CERT1: variants seen among roughly 807,000 people sequenced by gnomAD.
The protein encoded by CERT1 is ceramide transfer protein.
Under a neutral mutation model 87.9 loss-of-function variants are expected in CERT1, and 31 were observed. The ratio of observed to expected loss-of-function variants is 0.35; its 90% CI spans 0.27 to 0.48. CERT1 has a LOEUF of 0.48. Ranked by LOEUF, CERT1 falls within the 20% of genes least tolerant of loss-of-function variation. The pLI, the probability that CERT1 is intolerant of heterozygous loss-of-function variation, is 0.99. For synonymous variants in CERT1, 289 were observed against 250.9 expected, an observed-to-expected ratio of 1.15 and a Z score of -1.44; for missense variants, 487 against 758.0, an observed-to-expected ratio of 0.64 and a Z score of 4.20.
At chr5:75,408,627 G>A (rs1160764483) in intron 8 of CERT1, among the ~76,000 whole-genome samples, 1 of 152,050 alleles carries the variant, frequency 6.6e-6, no homozygotes, top group Non-Finnish European at 1.5e-5. Flanking sequence ...TCTAAAAGGA[G>A]GAAGGTTGGG....
In CERT1 at chr5:75,398,662, A is replaced by G. The variant is rs527351348; in HGVS notation, c.1188+648T>C. ...AAAAACTTCTTCCAATGGTAATCTG[A>G]TTTTATTTTGAGGGTACAGACTTTA... On this transcript the variant is annotated intron_variant, in intron 11 of 16. Transcript: ENST00000643780. Among the ~76,000 whole-genome samples the G allele has an allele frequency of 4.6e-5, 7 of 152,322 alleles. No individual in the cohort carries two copies. The East Asian group carries it at 1.3e-3, about 29-fold the overall frequency.
intron 5 of CERT1, among the ~76,000 whole-genome samples, chr5:75,422,609 C>G (rs1268055034): frequency 6.6e-6 from 1 of 151,900 alleles, no homozygotes; most frequent in Non-Finnish European, 1.5e-5. Flanking sequence ...AGAGGGAGAC[C>G]CAGTATCAAA....
chr5:75,457,145 A>G (rs1189005694), intron 3 of CERT1, among the ~76,000 whole-genome samples: 3 of 152,218 alleles, frequency 2.0e-5, no homozygotes, highest in Non-Finnish European at 2.9e-5. Context: ...TTATATGCAC[A>G]TTTAGCTTCT....
chr5:75,402,686 G>T, intron 9 of CERT1: 1 of 210,666 alleles, frequency 4.7e-6, no homozygotes, highest in Non-Finnish European at 9.6e-6. Context: ...TGTAGTCCCA[G>T]CTACTCGGGA....
chr5:75,375,894 T>C (rs1761285466), downstream of CERT1: 1 of 150,950 alleles, frequency 6.6e-6, no homozygotes, highest in Admixed American at 6.6e-5. Context: ...GATTTTACCA[T>C]GTTAAGGTTT....
intron 2 of CERT1, among the ~76,000 whole-genome samples, chr5:75,468,907 GAAC>G (rs1765581607): frequency 6.6e-6 from 1 of 152,120 alleles, no homozygotes; most frequent in Non-Finnish European, 1.5e-5. Flanking sequence ...GAAGGATCCA[GAAC>G]AACCAGGGAA....
intron 3 of CERT1, among the ~76,000 whole-genome samples, chr5:75,454,388 G>GT (rs752918445): frequency 1.9e-4 from 29 of 152,064 alleles, no homozygotes; most frequent in Non-Finnish European, 3.1e-4. Flanking sequence ...TTCTTGCTTT[G>GT]TTTTTTGCTA....
chr5:75,394,028 A>G (rs1762145645), intron 11 of CERT1, among the ~76,000 whole-genome samples: 2 of 152,182 alleles, frequency 1.3e-5, no homozygotes, highest in Admixed American at 1.3e-4. Flanking sequence ...CTTGTTAGAT[A>G]GAATAATTAT....
chr5:75,469,059 T>C (rs969868642), intron 2 of CERT1, among the ~76,000 whole-genome samples: 12 of 151,762 alleles, frequency 7.9e-5, no homozygotes, highest in South Asian at 2.1e-4. Context: ...CACAGAAACA[T>C]TGAACAAAAT....
chr5:75,510,985 C>A, intron 1 of CERT1, 127 bp downstream of exon 1: 2 of 1,282,606 alleles, frequency 1.6e-6, no homozygotes, highest in South Asian at 1.6e-5. Flanking sequence ...CTAGTCGCTG[C>A]AGCAACACTC....
intron 3 of CERT1, among the ~76,000 whole-genome samples, chr5:75,441,780 AT>A (rs1764334502): frequency 6.6e-6 from 1 of 152,198 alleles, no homozygotes; most frequent in African/African-American, 2.4e-5. Context: ...CATTGAATGG[AT>A]ATACCACATT....
intron 3 of CERT1, among the ~76,000 whole-genome samples, chr5:75,426,860 G>A (rs1763639283): frequency 6.6e-6 from 1 of 152,210 alleles, no homozygotes; most frequent in Non-Finnish European, 1.5e-5. Context: ...ATGGATGATG[G>A]TGACGGTTGA....
intron 5 of CERT1, among the ~76,000 whole-genome samples, chr5:75,420,633 T>C (rs1408368574): frequency 6.6e-6 from 1 of 152,142 alleles, no homozygotes; most frequent in African/African-American, 2.4e-5. Flanking sequence ...GCATCCCTTT[T>C]CTCTAATTCC....
intron 2 of CERT1, among the ~76,000 whole-genome samples, chr5:75,479,099 G>A (rs185726925): frequency 6.7e-6 from 1 of 149,434 alleles, no homozygotes; most frequent in Admixed American, 6.7e-5. Flanking sequence ...GATATTAAAT[G>A]GGACAAAAAA....
chr5:75,371,815 G>T (rs757075439), intron 17 of CERT1: 1 of 152,194 alleles, frequency 6.6e-6, no homozygotes, highest in Non-Finnish European at 1.5e-5. Flanking sequence ...ATCTGTAGAT[G>T]AGAAAACATG....
intron 2 of CERT1, among the ~76,000 whole-genome samples, chr5:75,484,031 G>A (rs1766384654): frequency 6.6e-6 from 1 of 152,028 alleles, no homozygotes; most frequent in Admixed American, 6.6e-5. Flanking sequence ...AACTTTTGAA[G>A]ACACAGACAG....
rs370209071 is a variant in CERT1 at position 75,434,186 on chromosome 5, GTTT to G, written c.349-7711_349-7709del. Reference sequence around the variant, plus strand: ...TTCCTTCAATGCCTAGTTTGTTGAGGTTTTTTTTTTTTTTTTTTTATCATGAAG... The same window carrying G: ...TTCCTTCAATGCCTAGTTTGTTGAGGTTTTTTTTTTTTTTTTATCATGAAG... On this transcript the variant is annotated intron_variant, in intron 3 of 16. Coordinates refer to ENST00000643780, the MANE Select transcript of CERT1 (RefSeq NM_001379029.1). Among the ~76,000 whole-genome samples the G allele has an allele frequency of 3.2e-5, 4 of 126,750 alleles. No homozygotes were observed. In the East Asian group the frequency reaches 6.8e-4, roughly 22 times the overall value. The allele number at this position is 126,750 out of a possible 152,430, so 83.2% of individuals were successfully genotyped here. A position where few individuals can be genotyped will look rare whatever the true frequency, so the allele number is the denominator to read the frequency against.
chr5:75,428,725 C>T (rs952796438), intron 3 of CERT1, among the ~76,000 whole-genome samples: 1 of 150,912 alleles, frequency 6.6e-6, no homozygotes, highest in African/African-American at 2.4e-5. Flanking sequence ...ATAATCAACA[C>T]AAAGAAAGAA....
chr5:75,414,448 A>T lies in CERT1; in HGVS notation c.837+2428T>A, dbSNP rs373947956. 2.3e-4 allele frequency among the ~76,000 whole-genome samples: 35 copies of T among 152,340 alleles called. No homozygotes were observed. In the East Asian group the frequency reaches 4.8e-3, roughly 21 times the overall value. On this transcript the variant is annotated intron_variant, in intron 7 of 16. Transcript: ENST00000643780. The stretch of plus-strand genomic sequence containing the variant: ...AACAAAAATGCACAGCACAGCAATA[A>T]TATTAAAGACTTACAGGAAAGTGAA...
Sources: allele counts gnomAD v4.1 joint callset (sites outside exome capture counted in the v4.1 genomes callset), GRCh38; gene constraint gnomAD v4.1.1; transcripts MANE v1.5; gene names NCBI Gene and HGNC (gene_info 2026-07-23, HGNC 2026-07-21).